The following MACROD2 variants were observed in gnomAD, a reference collection of about 807,000 sequenced individuals.
The protein encoded by MACROD2 is mono-ADP ribosylhydrolase 2.
MACROD2 carries 36 observed loss-of-function variants against 70.4 expected under a neutral mutation model. That is an observed-to-expected ratio of 0.51 (90% CI 0.39 to 0.68). The LOEUF is 0.68. MACROD2 is among the 30% of genes least tolerant of loss of function. The pLI is 0.00. For missense variants in MACROD2, 496 were observed against 538.4 expected, an observed-to-expected ratio of 0.92 and a Z score of 0.78; for synonymous variants, 172 against 178.8, an observed-to-expected ratio of 0.96 and a Z score of 0.30.
At chr20:15,150,679 G>T (rs902044828) in intron 5 of MACROD2, among the ~76,000 whole-genome samples, 5 of 151,852 alleles carry the variant, frequency 3.3e-5, no homozygotes, top group African/African-American at 4.8e-5. Flanking sequence ...GGGTTAAGGT[G>T]GGGGGATACA....
chr20:14,343,736 G>A (rs948471717), intron 3 of MACROD2, among the ~76,000 whole-genome samples: 1 of 152,196 alleles, frequency 6.6e-6, no homozygotes, highest in African/African-American at 2.4e-5. Flanking sequence ...CTTTGGCAAT[G>A]ATTAGTATAA....
intron 8 of MACROD2, among the ~76,000 whole-genome samples, chr20:15,784,896 C>G (rs1324296234): frequency 6.6e-6 from 1 of 151,966 alleles, no homozygotes; most frequent in African/African-American, 2.4e-5. Flanking sequence ...TGCCTGTAAT[C>G]CCAGCACTTT....
chr20:15,019,012 T>C (rs1040478789), intron 5 of MACROD2, among the ~76,000 whole-genome samples: 2 of 152,164 alleles, frequency 1.3e-5, no homozygotes, highest in Non-Finnish European at 2.9e-5. Context: ...TTTAACCTTT[T>C]TTCTTTTACC....
chr20:15,772,201 G>C (rs1323613748), intron 8 of MACROD2, among the ~76,000 whole-genome samples: 1 of 148,986 alleles, frequency 6.7e-6, no homozygotes, highest in East Asian at 2.0e-4. Flanking sequence ...AAGCTCTTTG[G>C]CCTAACCTTG....
Position 14,785,383 on chromosome 20 carries a change from A to G in MACROD2, c.418+100424A>G, listed in dbSNP as rs1469404040. ...GTAAGCTAATCTAATTTAAACAAGA[A>G]AAAAAAAGCCTTTAATGGGATGATA... On this transcript the variant is annotated intron_variant, in intron 5 of 17. Coordinates refer to ENST00000684519, the MANE Select transcript of MACROD2 (RefSeq NM_001351661.2). Among the ~76,000 whole-genome samples, 5 of 151,958 alleles carry G rather than the reference A, an allele frequency of 3.3e-5. No homozygotes were observed. The South Asian group carries it at 6.2e-4, about 19-fold the overall frequency.
chr20:14,859,795 A>G (rs1332045176), intron 5 of MACROD2, among the ~76,000 whole-genome samples: 1 of 152,130 alleles, frequency 6.6e-6, no homozygotes, highest in Non-Finnish European at 1.5e-5. Flanking sequence ...GACCCATGTT[A>G]GATCTTTGCT....
At chr20:14,937,644 A>G (rs748888076) in intron 5 of MACROD2, among the ~76,000 whole-genome samples, 3 of 152,104 alleles carry the variant, frequency 2.0e-5, no homozygotes, top group Admixed American at 6.6e-5. Context: ...TGGGATATAT[A>G]TATGTATATA....
intron 5 of MACROD2, among the ~76,000 whole-genome samples, chr20:15,190,156 A>C (rs950355495): frequency 6.6e-5 from 10 of 152,178 alleles, no homozygotes; most frequent in Non-Finnish European, 1.3e-4. Context: ...ATCCCCTAAC[A>C]AGGGCAGTAT....
intron 6 of MACROD2, among the ~76,000 whole-genome samples, chr20:15,338,639 GTAT>G (rs916679271): frequency 6.6e-6 from 1 of 151,526 alleles, no homozygotes; most frequent in African/African-American, 2.4e-5. Context: ...ACTCCATAAA[GTAT>G]TATTATTATT....
chr20:15,209,631 C>T (rs2076743920), intron 5 of MACROD2, among the ~76,000 whole-genome samples: 1 of 152,166 alleles, frequency 6.6e-6, no homozygotes, highest in Non-Finnish European at 1.5e-5. Context: ...AAAATCCTCA[C>T]CTCACTAGTG....
At chr20:15,740,040 T>G (rs748349565) in intron 8 of MACROD2, among the ~76,000 whole-genome samples, 1 of 152,252 alleles carries the variant, frequency 6.6e-6, no homozygotes, top group African/African-American at 2.4e-5. Context: ...TTATGTCTAC[T>G]TCAGGTCACA....
chr20:14,311,887 T>G (rs866047665), intron 3 of MACROD2, among the ~76,000 whole-genome samples: 2 of 152,304 alleles, frequency 1.3e-5, no homozygotes. Context: ...ATTATTTCAA[T>G]TTTTAAGAGT....
chr20:15,129,190 T>C (rs1159467776), intron 5 of MACROD2, among the ~76,000 whole-genome samples: 1 of 152,064 alleles, frequency 6.6e-6, no homozygotes, highest in Non-Finnish European at 1.5e-5. Context: ...TTTTAAAAGC[T>C]AAAATCTGTA....
intron 3 of MACROD2, among the ~76,000 whole-genome samples, chr20:14,362,662 G>C (rs1046451257): frequency 6.6e-6 from 1 of 151,932 alleles, no homozygotes. Context: ...TGATCTCTTG[G>C]GCTAGAGGAA....
Position 15,034,039 on chromosome 20 carries a change from G to T in MACROD2, c.419-195901G>T, listed in dbSNP as rs1016497. Among the ~76,000 whole-genome samples, 1,188 of 152,188 alleles carry T rather than the reference G, an allele frequency of 7.8e-3. 18 individuals carry two copies. The highest frequency in any genetic ancestry group is 0.027 in the African/African-American group (1,107 of 41,532). Reference sequence around the variant, plus strand: ...TTTGGAGGTTTGCAAACGAAATCTGGCACAAAATATACAGGAAGATAAACT... The same window carrying T: ...TTTGGAGGTTTGCAAACGAAATCTGTCACAAAATATACAGGAAGATAAACT... On this transcript the variant is annotated intron_variant, in intron 5 of 17. Coordinates refer to ENST00000684519, the MANE Select transcript of MACROD2 (RefSeq NM_001351661.2).
chr20:15,997,443 A>G (rs1260112677), intron 15 of MACROD2, among the ~76,000 whole-genome samples: 1 of 152,042 alleles, frequency 6.6e-6, no homozygotes, highest in African/African-American at 2.4e-5. Flanking sequence ...ATTCCTAAGT[A>G]TTTTATTATT....
intron 6 of MACROD2, among the ~76,000 whole-genome samples, chr20:15,419,912 C>T (rs1028582772): frequency 2.6e-5 from 4 of 152,234 alleles, no homozygotes; most frequent in African/African-American, 9.6e-5. Context: ...TATTGCCCAA[C>T]TGATTTGCCG....
chr20:15,967,670 G>GTTTCC, intron 13 of MACROD2, 40 bp downstream of exon 13: 1 of 1,145,604 alleles, frequency 8.7e-7, no homozygotes, highest in Non-Finnish European at 1.2e-6. Context: ...CTTTTCTTCT[G>GTTTCC]CTGGGAAACA....
intron 6 of MACROD2, among the ~76,000 whole-genome samples, chr20:15,393,157 G>A (rs1201067900): frequency 6.6e-6 from 1 of 152,072 alleles, no homozygotes; most frequent in Non-Finnish European, 1.5e-5. Flanking sequence ...TTGACATCAA[G>A]CAAAAGAAGC....
Sources: gnomAD v4.1 joint callset for allele counts (sites outside exome capture counted in the v4.1 genomes callset) on GRCh38, gnomAD v4.1.1 for gene constraint, MANE v1.5 for transcripts, NCBI Gene and HGNC (gene_info 2026-07-23, HGNC 2026-07-21) for gene names.